Variants in PANK4 observed in about 807,000 individuals in gnomAD.
PANK4 encodes pantothenate kinase 4 (inactive), also known as 4'-phosphopantetheine phosphatase.
In PANK4, 40 loss-of-function variants were observed where a neutral mutation model predicts 87.9. That is an observed-to-expected ratio of 0.46 (90% CI 0.35 to 0.59). PANK4 has a LOEUF of 0.59. Among genes scored for constraint, PANK4 ranks in the 20% least tolerant of loss-of-function variants. The probability of loss-of-function intolerance (pLI) is 0.00; values close to 1 mark genes in which losing one functional copy is unlikely to be tolerated. For synonymous variants in PANK4, 524 were observed against 467.4 expected (o/e 1.12, Z -1.56); for missense variants, 926 against 1,072.3 (o/e 0.86, Z 1.90).
chr1:2,511,760 C>A, intron 13 of PANK4, 77 bp from the exon 14 acceptor site: 1 of 854,204 alleles, frequency 1.2e-6, no homozygotes. Flanking sequence ...GTGAAGACCC[C>A]AAATCCCTCC....
chr1:2,513,403 G>A (rs1643698867), intron 12 of PANK4, among the ~76,000 whole-genome samples: 1 of 152,234 alleles, frequency 6.6e-6, no homozygotes, highest in Admixed American at 6.5e-5. Context: ...CATGGCGCTG[G>A]CCCTTCCCAG....
rs542413952 is a variant in PANK4 at position 2,514,537 on chromosome 1, G to A, written c.1375-71C>T. 3,338 of 1,089,814 alleles carry A rather than the reference G, an allele frequency of 3.1e-3. 21 individuals carry two copies. Among genetic ancestry groups the A allele is most frequent in the Middle Eastern group, 9.8e-3 (34 of 3,484 alleles). 67.5% of individuals were successfully genotyped at this position (1,089,814 alleles called of 1,614,324 possible). ...GCTTGCGAATCCCCACGTGACAGCA[G>A]GGGGCTCGGGGAAGGGTGGGGGTCG... On this transcript the variant is annotated intron_variant, in intron 10 of 18. Coordinates refer to ENST00000378466, the MANE Select transcript of PANK4 (RefSeq NM_018216.4).
rs1643882784 is a variant in PANK4 at position 2,522,457 on chromosome 1, C to T, written c.125-657G>A. Among the ~76,000 whole-genome samples the T allele has an allele frequency of 7.2e-5, 11 of 152,246 alleles. 1 individual carries two copies. The South Asian group carries it at 2.3e-3, about 32-fold the overall frequency. ...AGAAGCCCTGTGGCTTCCAGGATGCCGCCTGTGATCAAAGGTTGAATAAAT... is the reference window on the plus strand; with the variant it reads ...AGAAGCCCTGTGGCTTCCAGGATGCTGCCTGTGATCAAAGGTTGAATAAAT... On this transcript the variant is annotated intron_variant, in intron 1 of 18. Transcript: ENST00000378466.
chr1:2,526,419 CCGCCCGCCCCCGCAGCCCGCGCCCGG>C lies in PANK4; in HGVS notation c.124+19_124+44del, dbSNP rs775576034. The C allele has an allele frequency of 6.5e-6, 7 of 1,084,552 alleles. No homozygotes were observed. Among genetic ancestry groups the C allele is most frequent in the Non-Finnish European group, 7.9e-6 (7 of 885,108 alleles). The allele number at this position is 1,084,552 out of a possible 1,614,324, so 67.2% of individuals were successfully genotyped here. A position where few individuals can be genotyped will look rare whatever the true frequency, so the allele number is the denominator to read the frequency against. On this transcript the variant is annotated intron_variant, in intron 1 of 18. Coordinates refer to ENST00000378466, the MANE Select transcript of PANK4 (RefSeq NM_018216.4). ...CGCTCGCCGGCCCACCGCCGGCGCC[CCGCCCGCCCCCGCAGCCCGCGCCCGG>C]CGCCCGGCCTGCGGCTACCTATGTC... is the stretch of plus-strand genomic sequence containing the variant.
chr1:2,523,674 G>A (rs970083075), intron 1 of PANK4, among the ~76,000 whole-genome samples: 4 of 152,324 alleles, frequency 2.6e-5, no homozygotes, highest in Admixed American at 2.6e-4. Flanking sequence ...CCAGTGTTCC[G>A]TCTGCCTACT....
Position 2,510,837 on chromosome 1 carries a change from G to T in PANK4, c.1834-55C>A. 9.8e-7 allele frequency: 1 copy of T among 1,025,450 alleles called. No individual in the cohort carries two copies. 63.5% of individuals were successfully genotyped at this position (1,025,450 alleles called of 1,614,324 possible). ...GGAACAGGCGCATCCAAGCGAGTCA[G>T]TCCGCACCCCTGCTGCCCGTCACGC... is the stretch of plus-strand genomic sequence containing the variant. On this transcript the variant is annotated intron_variant, in intron 15 of 18. Transcript: ENST00000378466. The surrounding 1 kb of genome is among the most constrained non-coding windows in gnomAD (Gnocchi z 4.9).
In PANK4 at chr1:2,521,727, G is replaced by A. The variant is rs773487556; in HGVS notation, c.198C>T (p.His66=). The change falls in exon 2 of 19, where the codon CAC becomes CAT. Residue 66 remains histidine, a synonymous_variant. Transcript: ENST00000378466. ...HKVAKVRSFD[H]SGKDTEREHE... is the part of the protein sequence containing the mutation. Reference sequence around the variant, plus strand: ...CACAGTGCAGGCTCACCTTTCCGGAGTGGTCGAAAGACCGCACCTTGGCGA... The same window carrying A: ...CACAGTGCAGGCTCACCTTTCCGGAATGGTCGAAAGACCGCACCTTGGCGA... The A allele has an allele frequency of 7.4e-6, 12 of 1,613,774 alleles. 1 individual carries two copies. The South Asian group carries it at 1.3e-4, about 18-fold the overall frequency.
intron 9 of PANK4, among the ~76,000 whole-genome samples, chr1:2,516,164 C>T (rs987051032): frequency 2.0e-5 from 3 of 152,178 alleles, no homozygotes; most frequent in Admixed American, 6.5e-5. Context: ...TCCAGGTGGC[C>T]GTGTCTGCAC....
chr1:2,517,001 C>T (rs988472222), intron 9 of PANK4, among the ~76,000 whole-genome samples: 1 of 152,252 alleles, frequency 6.6e-6, no homozygotes, highest in African/African-American at 2.4e-5. Flanking sequence ...TAACAAGCGC[C>T]TCCTGAACGG....
Position 2,526,518 on chromosome 1 carries a change from G to C in PANK4, c.70C>G (p.Pro24Ala). 1 of 1,587,054 alleles carries C rather than the reference G, an allele frequency of 6.3e-7. No individual in the cohort carries two copies. Residue 24 changes from proline (P) to alanine (A), a missense_variant, in exon 1 of 19, where the codon CCC (proline) becomes GCC (alanine). Pro to Ala is a conservative substitution (Grantham distance 27). Coordinates refer to ENST00000378466, the MANE Select transcript of PANK4 (RefSeq NM_018216.4). ...TCCAGGTTGCGGAAGATCTCGTCGG[G>C]GGGCAGCGTGATGCTCTTGTCCAGA... is the stretch of plus-strand genomic sequence containing the variant. ...DSLDKSITLPPDEIFRNLENA... is the reference protein window; with the variant it reads ...DSLDKSITLPADEIFRNLENA...
chr1:2,516,075 CAGTCACCCCTCCCTGT>C (rs1643768556), intron 9 of PANK4: 1 of 350,504 alleles, frequency 2.9e-6, no homozygotes, highest in African/African-American at 2.1e-5. Context: ...CACCTCCCTG[CAGTCACCCCTCCCTGT>C]CACCCCTACA....
chr1:2,525,315 G>A (rs1643910978), intron 1 of PANK4, among the ~76,000 whole-genome samples: 1 of 152,114 alleles, frequency 6.6e-6, no homozygotes, highest in African/African-American at 2.4e-5. Flanking sequence ...TTTACTGGGC[G>A]GCAAAGACAG....
chr1:2,518,767 G>A (rs574499272), intron 7 of PANK4, among the ~76,000 whole-genome samples, 170 bp from the exon 8 acceptor site: 18 of 152,214 alleles, frequency 1.2e-4, no homozygotes, highest in Admixed American at 7.9e-4. Context: ...ACCAGAGGGC[G>A]GGCTGCTGTT....
At chr1:2,511,934 C>T (rs866423565) in intron 13 of PANK4, among the ~76,000 whole-genome samples, 3 of 151,998 alleles carry the variant, frequency 2.0e-5, no homozygotes, top group South Asian at 2.1e-4. Flanking sequence ...AGCTGCTCAA[C>T]GTGAAGACCC....
chr1:2,515,760 C>T lies in PANK4; in HGVS notation c.1219-43G>A. 1.3e-6 allele frequency: 2 copies of T among 1,577,990 alleles called. No homozygotes were observed. The highest frequency in any genetic ancestry group is 1.7e-6 in the Non-Finnish European group (2 of 1,157,090). On this transcript the variant is annotated intron_variant, in intron 9 of 18. Transcript: ENST00000378466. This position sits in a 1 kb window ranked among gnomAD's most constrained non-coding sequence, Gnocchi z 5.0. ...GCAGGGTGGAAACGTCACCATGGTT[C>T]AGAACGACCCAAGCCACACTCAGAA... is the stretch of plus-strand genomic sequence containing the variant.
chr1:2,513,402 G>A (rs1356708344), intron 12 of PANK4, among the ~76,000 whole-genome samples: 1 of 152,256 alleles, frequency 6.6e-6, no homozygotes, highest in Non-Finnish European at 1.5e-5. Flanking sequence ...GCATGGCGCT[G>A]GCCCTTCCCA....
intron 2 of PANK4, 121 bp from the exon 3 acceptor site, chr1:2,521,436 G>A (rs1643874541): frequency 1.2e-6 from 1 of 867,314 alleles, no homozygotes; most frequent in East Asian, 2.4e-5. Context: ...GGCGCTCTGA[G>A]GCAGAATCCT....
At position 2,520,623 on chromosome 1, in the gene PANK4, G is replaced by T; in HGVS notation, c.606+100C>A. On this transcript the variant is annotated intron_variant, in intron 4 of 18. Transcript: ENST00000378466. The surrounding 1 kb of genome is among the most constrained non-coding windows in gnomAD (Gnocchi z 6.2). Reference sequence around the variant, plus strand: ...CTCGCCACCCCCCTCCCGCCCACTGGGCCCCATCCATGTGCCCAGCCCTGG... The same window carrying T: ...CTCGCCACCCCCCTCCCGCCCACTGTGCCCCATCCATGTGCCCAGCCCTGG... 8.1e-7 allele frequency: 1 copy of T among 1,239,114 alleles called. No individual in the cohort carries two copies. The highest frequency in any genetic ancestry group is 1.2e-6 in the Non-Finnish European group (1 of 866,496). The allele number at this position is 1,239,114 out of a possible 1,614,324, so 76.8% of individuals were successfully genotyped here.
chr1:2,520,494 C>A lies in PANK4; in HGVS notation c.607-80G>T. The A allele has an allele frequency of 1.2e-6, 1 of 818,142 alleles. No homozygotes were observed. The highest frequency in any genetic ancestry group is 6.3e-5 in the East Asian group (1 of 15,784). The allele number at this position is 818,142 out of a possible 1,614,324, so 50.7% of individuals were successfully genotyped here. A position where few individuals can be genotyped will look rare whatever the true frequency, so the allele number is the denominator to read the frequency against. On this transcript the variant is annotated intron_variant, in intron 4 of 18. Transcript: ENST00000378466. The surrounding 1 kb of genome is among the most constrained non-coding windows in gnomAD (Gnocchi z 6.2). ...CCCCCGCCCCCCGCCCCATGTGCTG[C>A]GCTGGGGTGAACCCCGCCCCCACCC...
Sources: allele counts gnomAD v4.1 joint callset (sites outside exome capture counted in the v4.1 genomes callset), GRCh38; gene constraint gnomAD v4.1.1; non-coding constraint Gnocchi (gnomAD v3.1); transcripts MANE v1.5; gene names NCBI Gene and HGNC (gene_info 2026-07-23, HGNC 2026-07-21).